The following TBC1D5 variants were observed in gnomAD, a reference collection of about 807,000 sequenced individuals.
TBC1D5 encodes the protein TBC1 domain family member 5.
In TBC1D5, 75 loss-of-function variants were observed where a neutral mutation model predicts 100.3. The ratio of observed to expected loss-of-function variants is 0.75; its 90% CI spans 0.62 to 0.91. TBC1D5 has a LOEUF of 0.91. Among genes scored for constraint, TBC1D5 ranks in the 40% least tolerant of loss-of-function variants. The probability of loss-of-function intolerance (pLI) is 0.00; values close to 1 mark genes in which losing one functional copy is unlikely to be tolerated. For missense variants in TBC1D5, 910 were observed against 942.4 expected (o/e 0.97, Z 0.45); for synonymous variants, 323 against 325.6 (o/e 0.99, Z 0.09).
intron 1 of TBC1D5, among the ~76,000 whole-genome samples, chr3:17,692,385 C>A (rs532394658): frequency 1.3e-5 from 2 of 152,290 alleles, no homozygotes; most frequent in African/African-American, 4.8e-5. Context: ...AGTCACCACA[C>A]CCAGCCTAAA....
intron 1 of TBC1D5, among the ~76,000 whole-genome samples, chr3:17,649,210 T>C (rs2153713193): frequency 6.6e-6 from 1 of 152,302 alleles, no homozygotes; most frequent in African/African-American, 2.4e-5. Context: ...CTATTATCCT[T>C]AGCAAATTAA....
intron 1 of TBC1D5, among the ~76,000 whole-genome samples, chr3:17,720,702 T>C (rs892779804): frequency 6.6e-6 from 1 of 152,128 alleles, no homozygotes; most frequent in Non-Finnish European, 1.5e-5. Flanking sequence ...CCCAGCTATT[T>C]CAGAGGATCA....
chr3:17,201,780 GAAGT>G (rs2071493112), intron 18 of TBC1D5, among the ~76,000 whole-genome samples: 1 of 152,138 alleles, frequency 6.6e-6, no homozygotes, highest in South Asian at 2.1e-4. Context: ...TGCCATGATT[GAAGT>G]TTCCTGAGGC....
At chr3:17,490,597 C>T (rs537388630) in intron 3 of TBC1D5, among the ~76,000 whole-genome samples, 99 of 152,112 alleles carry the variant, frequency 6.5e-4, no homozygotes, top group African/African-American at 2.3e-3. Context: ...ATCCTTTCCC[C>T]TTGTTTTTTT....
intron 9 of TBC1D5, among the ~76,000 whole-genome samples, chr3:17,383,044 G>A (rs962664693): frequency 1.3e-5 from 2 of 151,782 alleles, no homozygotes; most frequent in Non-Finnish European, 2.9e-5. Flanking sequence ...TAGTTCCCTT[G>A]GGTATTCTAT....
chr3:17,350,922 T>C (rs1490021171), intron 13 of TBC1D5, among the ~76,000 whole-genome samples: 1 of 152,128 alleles, frequency 6.6e-6, no homozygotes, highest in Non-Finnish European at 1.5e-5. Context: ...GCTTCACAAA[T>C]TGCTCAATCC....
At chr3:17,318,697 T>G (rs1238505555) in intron 13 of TBC1D5, among the ~76,000 whole-genome samples, 1 of 152,204 alleles carries the variant, frequency 6.6e-6, no homozygotes, top group Non-Finnish European at 1.5e-5. Context: ...CTTTTATATT[T>G]TCTCTAATTT....
chr3:17,160,793 T>C, exon 22 of TBC1D5: 1 of 840,312 alleles, frequency 1.2e-6, no homozygotes, highest in Non-Finnish European at 1.8e-6. Context: ...CTGTGCTTTG[T>C]GGCCATATAT....
chr3:17,545,619 T>C (rs2096407218), intron 2 of TBC1D5, among the ~76,000 whole-genome samples: 1 of 152,246 alleles, frequency 6.6e-6, no homozygotes, highest in South Asian at 2.1e-4. Context: ...TGACTTATTA[T>C]ATAAGAAAAC....
intron 17 of TBC1D5, among the ~76,000 whole-genome samples, chr3:17,215,280 G>A (rs918979526): frequency 1.3e-5 from 2 of 152,150 alleles, no homozygotes; most frequent in African/African-American, 4.8e-5. Context: ...AAAAATGTAA[G>A]TACTCAGAAT....
intron 2 of TBC1D5, among the ~76,000 whole-genome samples, chr3:17,599,062 T>A (rs1330156110): frequency 6.6e-6 from 1 of 151,990 alleles, no homozygotes; most frequent in Non-Finnish European, 1.5e-5. Flanking sequence ...ATAACAAAAG[T>A]AAGTTTAGTA....
chr3:17,193,961 T>C (rs2070316516), intron 18 of TBC1D5, among the ~76,000 whole-genome samples: 1 of 152,214 alleles, frequency 6.6e-6, no homozygotes, highest in Non-Finnish European at 1.5e-5. Context: ...CATTCCTTAT[T>C]TGGTATTCAA....
chr3:17,502,994 C>T (rs758610799), intron 3 of TBC1D5, among the ~76,000 whole-genome samples: 2 of 149,492 alleles, frequency 1.3e-5, no homozygotes, highest in African/African-American at 2.5e-5. Context: ...CGATGGCTTC[C>T]GAAATGATTG....
intron 14 of TBC1D5, 78 bp downstream of exon 14, chr3:17,307,914 A>G: frequency 1.9e-6 from 3 of 1,543,406 alleles, no homozygotes; most frequent in Non-Finnish European, 2.6e-6. Flanking sequence ...AATAAAACAC[A>G]AAGTCTATTT....
intron 3 of TBC1D5, among the ~76,000 whole-genome samples, chr3:17,484,959 T>C (rs2095544027): frequency 6.6e-6 from 1 of 152,162 alleles, no homozygotes; most frequent in South Asian, 2.1e-4. Context: ...ATTCAATGAC[T>C]TACTTTTGCA....
At chr3:17,517,364 G>A (rs2096004160) in intron 2 of TBC1D5, among the ~76,000 whole-genome samples, 1 of 152,190 alleles carries the variant, frequency 6.6e-6, no homozygotes. Flanking sequence ...GGTGAGAACT[G>A]TCATAAGTCC....
chr3:17,262,614 T>A (rs959562517), intron 15 of TBC1D5, among the ~76,000 whole-genome samples: 2 of 151,008 alleles, frequency 1.3e-5, no homozygotes, highest in Non-Finnish European at 3.0e-5. Flanking sequence ...CCCGAGTAGC[T>A]GGGACTACAA....
At chr3:17,580,487 T>C (rs2096686804) in intron 2 of TBC1D5, among the ~76,000 whole-genome samples, 1 of 152,206 alleles carries the variant, frequency 6.6e-6, no homozygotes, top group Non-Finnish European at 1.5e-5. Flanking sequence ...TCTGTGCCGA[T>C]ATGCTCCGCC....
chr3:17,552,244 T>C (rs2096481022), intron 2 of TBC1D5, among the ~76,000 whole-genome samples: 1 of 151,880 alleles, frequency 6.6e-6, no homozygotes, highest in Non-Finnish European at 1.5e-5. Flanking sequence ...GTAAGCTTTA[T>C]AAAGCAAAGG....
Sources: allele counts gnomAD v4.1 joint callset (sites outside exome capture counted in the v4.1 genomes callset), GRCh38; gene constraint gnomAD v4.1.1; transcripts MANE v1.5; gene names NCBI Gene and HGNC (gene_info 2026-07-23, HGNC 2026-07-21).